Variants in FCRL5 observed in about 807,000 individuals in gnomAD.
FCRL5 encodes Fc receptor like 5, also known as Fc receptor-like protein 5.
In FCRL5, 79 loss-of-function variants were observed where a neutral mutation model predicts 92.1. The observed-to-expected ratio is 0.86, with a 90% CI of 0.72 to 1.03. The LOEUF (loss-of-function observed/expected upper bound fraction) is 1.03, where lower values mean the gene tolerates loss of function less well. FCRL5 is among the 50% of genes least tolerant of loss of function. The pLI is 0.00. For synonymous variants in FCRL5, 466 were observed against 469.3 expected (o/e 0.99, Z 0.09); for missense variants, 1,160 against 1,181.1 (o/e 0.98, Z 0.26).
At position 157,520,348 on chromosome 1, in the gene FCRL5, G is replaced by A. The variant is rs554837518; in HGVS notation, c.2632+83C>T. On this transcript the variant is annotated intron_variant, in intron 12 of 16. Coordinates refer to ENST00000361835, the MANE Select transcript of FCRL5 (RefSeq NM_031281.3). ...GGATGAGCTCTTGCGAGCCTGGGATGGTCACAAAGGCAGCATGAAGCCCAA... is the reference window on the plus strand; with the variant it reads ...GGATGAGCTCTTGCGAGCCTGGGATAGTCACAAAGGCAGCATGAAGCCCAA... The A allele has an allele frequency of 8.5e-6, 8 of 945,816 alleles. No individual in the cohort carries two copies. In the Admixed American group the frequency reaches 1.1e-4, roughly 13 times the overall value. 58.6% of individuals were successfully genotyped at this position (945,816 alleles called of 1,614,324 possible).
chr1:157,522,186 T>C (rs1281962665), intron 10 of FCRL5: 2 of 152,246 alleles, frequency 1.3e-5, no homozygotes, highest in African/African-American at 2.4e-5. Flanking sequence ...GGAGAATATG[T>C]GCGTAAGAAG....
Position 157,542,617 on chromosome 1 carries a change from T to G in FCRL5, c.1123+242A>C, listed in dbSNP as rs1651318146. 3 of 480,662 alleles carry G rather than the reference T, an allele frequency of 6.2e-6. No homozygotes were observed. In the East Asian group the frequency reaches 9.4e-5, roughly 15 times the overall value. 29.8% of individuals were successfully genotyped at this position (480,662 alleles called of 1,614,324 possible). A position where few individuals can be genotyped will look rare whatever the true frequency, so the allele number is the denominator to read the frequency against. On this transcript the variant is annotated intron_variant, in intron 6 of 16. Transcript: ENST00000361835. Reference sequence around the variant, plus strand: ...GAAAAGCACTTGGCTTCTCAGAAATTGGGAACCAGGGGATAGAAAGCCACT... The same window carrying G: ...GAAAAGCACTTGGCTTCTCAGAAATGGGGAACCAGGGGATAGAAAGCCACT...
intron 9 of FCRL5, 78 bp downstream of exon 9, chr1:157,527,539 G>C (rs2101609980): frequency 2.9e-6 from 4 of 1,401,932 alleles, no homozygotes; most frequent in Non-Finnish European, 3.9e-6. Context: ...TCTAGAAACT[G>C]TACCTCTGAT....
chr1:157,544,600 A>T, intron 4 of FCRL5, 54 bp from the exon 5 acceptor site: 1 of 1,575,566 alleles, frequency 6.3e-7, no homozygotes, highest in Non-Finnish European at 8.7e-7. Flanking sequence ...ACTGCTTTGG[A>T]GAAAAGCACA....
Position 157,513,434 on chromosome 1 carries a change from ATCTCAAGATCTGCAGTCAGCAAGCT to A in FCRL5, c.*2216_*2240del, listed in dbSNP as rs1282491644. On this transcript the variant is annotated 3_prime_UTR_variant, in exon 17 of 17. Transcript: ENST00000361835. The stretch of plus-strand genomic sequence containing the variant: ...CTCTTGTGACTGTAGAGGCTGACAT[ATCTCAAGATCTGCAGTCAGCAAGCT>A]GGAGATCCAGGAGATCCAATAGCAT... 2 of 152,256 alleles carry A rather than the reference ATCTCAAGATCTGCAGTCAGCAAGCT, an allele frequency of 1.3e-5. No homozygotes were observed. The highest frequency in any genetic ancestry group is 2.9e-5 in the Non-Finnish European group (2 of 68,056). The allele number at this position is 152,256 out of a possible 1,614,324, so 9.4% of individuals were successfully genotyped here.
rs769713737 is a variant in FCRL5, at chr1:157,521,124, G to A, written c.2408C>T (p.Ala803Val). The A allele has an allele frequency of 1.9e-6, 3 of 1,614,162 alleles. No individual in the cohort carries two copies. In the Admixed American group the frequency reaches 5.0e-5, roughly 27 times the overall value. The change falls in exon 11 of 17, where the codon GCG (alanine) becomes GTG (valine). Residue 803 changes from alanine (A) to valine (V), a missense_variant. Transcript: ENST00000361835. ...TGCAGTCAGAGAGAGGTTTAAGGAC[G>A]CTCCTCCAGAGGGGGACGACCTATT... ...LGNRSSPSGG[A>V]SLNLSLTAEH... is the part of the protein sequence containing the mutation.
chr1:157,535,003 T>G, intron 7 of FCRL5, 111 bp from the exon 8 acceptor site: 1 of 1,016,630 alleles, frequency 9.8e-7, no homozygotes, highest in Non-Finnish European at 1.4e-6. Flanking sequence ...AGACTTCACC[T>G]ACCTGGAGGG....
chr1:157,514,904 C>T lies in FCRL5; in HGVS notation c.*771G>A, dbSNP rs1649852764. 6.6e-6 allele frequency: 1 copy of T among 152,330 alleles called. No homozygotes were observed. The allele number at this position is 152,330 out of a possible 1,614,324, so 9.4% of individuals were successfully genotyped here. A position where few individuals can be genotyped will look rare whatever the true frequency, so the allele number is the denominator to read the frequency against. On this transcript the variant is annotated 3_prime_UTR_variant, in exon 17 of 17. Coordinates refer to ENST00000361835, the MANE Select transcript of FCRL5 (RefSeq NM_031281.3). ...TCATTCATTCATTCAGTCAGTCAGTCAAATAGTAATTGAGCACCTCCTGTG... is the reference window on the plus strand; with the variant it reads ...TCATTCATTCATTCAGTCAGTCAGTTAAATAGTAATTGAGCACCTCCTGTG...
chr1:157,544,130 T>C (rs1651405366), intron 5 of FCRL5, 132 bp downstream of exon 5: 6 of 911,750 alleles, frequency 6.6e-6, no homozygotes, highest in Non-Finnish European at 1.0e-5. Flanking sequence ...TAGAGGTCTC[T>C]TTGCTTGCAC....
intron 8 of FCRL5, among the ~76,000 whole-genome samples, chr1:157,528,937 A>T (rs751793385): frequency 3.9e-5 from 6 of 152,248 alleles, no homozygotes; most frequent in Non-Finnish European, 5.9e-5. Context: ...AAGCAAATGC[A>T]ACAAAAACAA....
intron 6 of FCRL5, 39 bp downstream of exon 6, chr1:157,542,820 T>G (rs539104277): frequency 6.3e-7 from 1 of 1,589,226 alleles, no homozygotes; most frequent in African/African-American, 1.3e-5. Flanking sequence ...GCAGGACTCT[T>G]GGCCAGGGGT....
chr1:157,552,230 G>A lies in FCRL5; in HGVS notation c.31+102C>T, dbSNP rs1651853901. 4.4e-6 allele frequency: 5 copies of A among 1,140,092 alleles called. No individual in the cohort carries two copies. The Admixed American group carries it at 7.1e-5, about 16-fold the overall frequency. The allele number at this position is 1,140,092 out of a possible 1,614,324, so 70.6% of individuals were successfully genotyped here. On this transcript the variant is annotated intron_variant, in intron 1 of 16. Coordinates refer to ENST00000361835, the MANE Select transcript of FCRL5 (RefSeq NM_031281.3). Reference sequence around the variant, plus strand: ...ATACAGTCTCCTAATGTAGGAGAGAGTCTCTCAGCAGGGGCTGAGCCCCAA... The same window carrying A: ...ATACAGTCTCCTAATGTAGGAGAGAATCTCTCAGCAGGGGCTGAGCCCCAA...
chr1:157,529,938 C>G (rs1331689533), intron 8 of FCRL5, among the ~76,000 whole-genome samples: 1 of 152,148 alleles, frequency 6.6e-6, no homozygotes, highest in Non-Finnish European at 1.5e-5. Flanking sequence ...TAACCAAACA[C>G]CACCTGGTCC....
At chr1:157,545,157 T>G in intron 3 of FCRL5, 75 bp from the exon 4 acceptor site, 1 of 1,512,162 alleles carries the variant, frequency 6.6e-7, no homozygotes, top group Non-Finnish European at 8.9e-7. Context: ...TCCAAGTAGA[T>G]TTTATTTTAA....
rs779391587 is a variant in FCRL5 at position 157,539,405 on chromosome 1, C to A, written c.1124-41G>T. On this transcript the variant is annotated intron_variant, in intron 6 of 16. Coordinates refer to ENST00000361835, the MANE Select transcript of FCRL5 (RefSeq NM_031281.3). ...AATTAGTCAAGATTTGTTTCTGCCT[C>A]CTGCTGTAGTTTTCATAAAAGGAAA... The A allele has an allele frequency of 3.9e-6, 6 of 1,527,396 alleles. No individual in the cohort carries two copies. In the African/African-American group the frequency reaches 5.5e-5, roughly 14 times the overall value. The allele number at this position is 1,527,396 out of a possible 1,614,324, so 94.6% of individuals were successfully genotyped here. A position where few individuals can be genotyped will look rare whatever the true frequency, so the allele number is the denominator to read the frequency against.
At chr1:157,525,617 T>C (rs73011537) in intron 9 of FCRL5, among the ~76,000 whole-genome samples, 13,449 of 152,138 alleles carry the variant, frequency 0.088, 1,609 homozygotes, top group African/African-American at 0.27. Context: ...GGAAGTGGAA[T>C]TGAGGGATAG....
intron 12 of FCRL5, among the ~76,000 whole-genome samples, chr1:157,520,149 G>A (rs1427082869): frequency 1.3e-5 from 2 of 151,564 alleles, no homozygotes; most frequent in Non-Finnish European, 2.9e-5. Context: ...CTTCCCATTC[G>A]TTGGGGGGGT....
In FCRL5 at chr1:157,521,164, C is replaced by A; in HGVS notation, c.2368G>T (p.Asp790Tyr). ...PLILYRFFHEDVTLGNRSSPS... is the reference protein window; with the variant it reads ...PLILYRFFHEYVTLGNRSSPS... ...GACGACCTATTTCCTAGGGTGACAT[C>A]CTCATGAAAAAACCGGTACAGGATC... Residue 790 changes from aspartate (D) to tyrosine (Y), a missense_variant, in exon 11 of 17, where the codon GAT becomes TAT. By Grantham distance (160) the Asp-to-Tyr change is radical. Coordinates refer to ENST00000361835, the MANE Select transcript of FCRL5 (RefSeq NM_031281.3). 1.9e-6 allele frequency: 3 copies of A among 1,614,136 alleles called. No individual in the cohort carries two copies. Among genetic ancestry groups the A allele is most frequent in the Non-Finnish European group, 1.7e-6 (2 of 1,180,020 alleles).
chr1:157,517,351 C>T (rs184384456), intron 15 of FCRL5, among the ~76,000 whole-genome samples: 8 of 152,288 alleles, frequency 5.3e-5, no homozygotes, highest in Admixed American at 2.0e-4. Context: ...AAAGATGTCA[C>T]GCCCTAATTG....
Sources: gnomAD v4.1 joint callset for allele counts (sites outside exome capture counted in the v4.1 genomes callset) on GRCh38, gnomAD v4.1.1 for gene constraint, MANE v1.5 for transcripts, NCBI Gene and HGNC (gene_info 2026-07-23, HGNC 2026-07-21) for gene names.